STK3: variants seen among roughly 807,000 people sequenced by gnomAD.
STK3 encodes serine/threonine kinase 3, also known as serine/threonine-protein kinase 3.
A neutral mutation model predicts 58.0 loss-of-function variants in STK3; 41 were observed. That is an observed-to-expected ratio of 0.71 (90% CI 0.55 to 0.92). The LOEUF is 0.92. Ranked by LOEUF, STK3 falls within the 40% of genes least tolerant of loss-of-function variation. The pLI, the probability that STK3 is intolerant of heterozygous loss-of-function variation, is 0.00. For missense variants in STK3, 479 were observed against 602.7 expected, an observed-to-expected ratio of 0.79 and a Z score of 2.15; for synonymous variants, 170 against 191.0, an observed-to-expected ratio of 0.89 and a Z score of 0.91.
intron 10 of STK3, among the ~76,000 whole-genome samples, chr8:98,494,655 A>AC: frequency 1.9e-5 from 1 of 54,030 alleles, no homozygotes; most frequent in Middle Eastern, 8.8e-3. Context: ...ACCCTGTCTC[A>AC]AAAAAAAAAA....
chr8:98,809,885 G>A (rs1834110767), intron 1 of STK3, among the ~76,000 whole-genome samples: 1 of 152,160 alleles, frequency 6.6e-6, no homozygotes, highest in Non-Finnish European at 1.5e-5. Flanking sequence ...AGAAATACCT[G>A]AGACTCGGTA....
intron 1 of STK3, among the ~76,000 whole-genome samples, chr8:98,789,908 G>C (rs1007711456): frequency 1.1e-4 from 16 of 151,854 alleles, no homozygotes; most frequent in Middle Eastern, 3.4e-3. Context: ...AGCAGCTGTA[G>C]TCCCAGCTAC....
chr8:98,428,267 A>G lies in STK3; in HGVS notation n.483+5860T>C. On this transcript the variant is annotated intron_variant and non_coding_transcript_variant, in intron 3 of 3. Coordinates refer to the STK3 transcript ENST00000517832. This position sits in a 1 kb window ranked among gnomAD's most constrained non-coding sequence, Gnocchi z 6.7. ...GCAAGCTTCACGTCATGGCTGAGCT[A>G]TGTGTCTTCTCCTTCAGCCAGGAGA... 1 of 1,614,084 alleles carries G rather than the reference A, an allele frequency of 6.2e-7. No individual in the cohort carries two copies. Among genetic ancestry groups the G allele is most frequent in the Non-Finnish European group, 8.5e-7 (1 of 1,180,016 alleles).
intron 3 of STK3, among the ~76,000 whole-genome samples, chr8:98,854,142 T>C (rs1344184346): frequency 1.3e-5 from 2 of 152,122 alleles, no homozygotes; most frequent in African/African-American, 4.8e-5. Context: ...TTTATTTATT[T>C]ATTTATTTAT....
chr8:98,747,803 G>A (rs950372916), intron 4 of STK3, among the ~76,000 whole-genome samples: 3 of 152,068 alleles, frequency 2.0e-5, no homozygotes, highest in East Asian at 3.9e-4. Flanking sequence ...CTCTTACCAT[G>A]CCATCCCAGA....
chr8:98,354,678 C>G, the STK3 span, among the ~76,000 whole-genome samples: 3 of 152,354 alleles, frequency 2.0e-5, no homozygotes, highest in South Asian at 6.2e-4. Context: ...ATCCTGGGCT[C>G]TTTCCCCTAA....
At chr8:98,730,731 A>C (rs973831943) in intron 4 of STK3, among the ~76,000 whole-genome samples, 18 of 151,850 alleles carry the variant, frequency 1.2e-4, no homozygotes, top group South Asian at 1.0e-3. Flanking sequence ...AAAAAAAAAA[A>C]AAAAAAACAC....
intron 3 of STK3, among the ~76,000 whole-genome samples, chr8:98,874,913 C>T (rs998658253): frequency 3.3e-5 from 5 of 152,078 alleles, no homozygotes; most frequent in Admixed American, 1.3e-4. Flanking sequence ...CATGAGCCAC[C>T]ACAACTGGCC....
At chr8:98,772,653 G>A (rs1398773836) in intron 2 of STK3, among the ~76,000 whole-genome samples, 7 of 152,184 alleles carry the variant, frequency 4.6e-5, no homozygotes, top group South Asian at 2.1e-4. Flanking sequence ...CCACGATCAC[G>A]CCATTGCACT....
intron 1 of STK3, among the ~76,000 whole-genome samples, chr8:98,384,218 A>C (rs1419302209): frequency 6.6e-6 from 1 of 152,202 alleles, no homozygotes; most frequent in Non-Finnish European, 1.5e-5. Context: ...TCACAGGCCA[A>C]TCCTTCATAA....
At chr8:98,833,014 A>G (rs1835596957) in intron 3 of STK3, among the ~76,000 whole-genome samples, 1 of 152,206 alleles carries the variant, frequency 6.6e-6, no homozygotes, top group Non-Finnish European at 1.5e-5. Context: ...CAAACTGTGT[A>G]AAATATTTGA....
chr8:98,791,132 C>T (rs1832778067), intron 1 of STK3, among the ~76,000 whole-genome samples: 1 of 152,126 alleles, frequency 6.6e-6, no homozygotes, highest in Non-Finnish European at 1.5e-5. Context: ...TTTCCAGATA[C>T]AACATTAATG....
intron 3 of STK3, chr8:98,429,873 C>T (rs1292004106): frequency 5.9e-6 from 1 of 169,744 alleles, no homozygotes; most frequent in Non-Finnish European, 1.4e-5. Flanking sequence ...AGATTTTGCT[C>T]ACAGTCATGT....
intron 9 of STK3, among the ~76,000 whole-genome samples, chr8:98,540,710 T>C (rs971970316): frequency 3.3e-5 from 5 of 151,916 alleles, no homozygotes; most frequent in Non-Finnish European, 5.9e-5. Context: ...CTTTGTATCA[T>C]AGAGGCTAGA....
chr8:98,429,373 G>A, intron 3 of STK3: 2 of 1,613,920 alleles, frequency 1.2e-6, no homozygotes, highest in Non-Finnish European at 1.7e-6. Context: ...ATGAGCAGGA[G>A]CTCACCAAGT....
intron 6 of STK3, among the ~76,000 whole-genome samples, chr8:98,686,476 T>C (rs191898119): frequency 6.6e-6 from 1 of 152,184 alleles, no homozygotes; most frequent in East Asian, 1.9e-4. Flanking sequence ...AAGATACACA[T>C]TTACATGGCA....
intron 3 of STK3, among the ~76,000 whole-genome samples, chr8:98,417,422 G>A (rs1319389186): frequency 5.9e-5 from 9 of 152,142 alleles, no homozygotes; most frequent in African/African-American, 1.7e-4. Context: ...GCTGAGGCAG[G>A]AGAATTGCTT....
chr8:98,664,593 T>C (rs1266897374), intron 6 of STK3, among the ~76,000 whole-genome samples: 1 of 152,206 alleles, frequency 6.6e-6, no homozygotes, highest in African/African-American at 2.4e-5. Flanking sequence ...TTCGTTTGGT[T>C]TGGATATATA....
chr8:98,794,426 G>T lies in STK3; in HGVS notation c.27-19607C>A, dbSNP rs188006514. Reference sequence around the variant, plus strand: ...GCAAACTAGAAAACCTAGAGAAAATGGATAAATTCTTGGAAACCCACAATC... The same window carrying T: ...GCAAACTAGAAAACCTAGAGAAAATTGATAAATTCTTGGAAACCCACAATC... On this transcript the variant is annotated intron_variant, in intron 1 of 10. Coordinates refer to ENST00000419617, the MANE Select transcript of STK3 (RefSeq NM_006281.4). Among the ~76,000 whole-genome samples the T allele has an allele frequency of 8.8e-3, 1,338 of 152,222 alleles. 11 individuals are homozygous for T. Among genetic ancestry groups the T allele is most frequent in the African/African-American group, 0.03 (1,262 of 41,524 alleles).
Sources: gnomAD v4.1 joint callset for allele counts (sites outside exome capture counted in the v4.1 genomes callset) on GRCh38, gnomAD v4.1.1 for gene constraint, Gnocchi (gnomAD v3.1) non-coding constraint, MANE v1.5 for transcripts, NCBI Gene and HGNC (gene_info 2026-07-23, HGNC 2026-07-21) for gene names.